The following KLF17 variants were observed in gnomAD, a reference collection of about 807,000 sequenced individuals.
The protein encoded by KLF17 is KLF transcription factor 17.
KLF17 carries 31 observed loss-of-function variants against 34.2 expected under a neutral mutation model. The ratio of observed to expected loss-of-function variants is 0.91; its 90% CI spans 0.68 to 1.22. KLF17 has a LOEUF of 1.22. Among genes scored for constraint, KLF17 ranks in the 50% most tolerant of loss-of-function variants. KLF17 has a pLI of 0.00. For synonymous variants in KLF17, 179 were observed against 186.7 expected (o/e 0.96, Z 0.34); for missense variants, 478 against 505.2 (o/e 0.95, Z 0.52).
At chr1:44,099,962 C>A in the KLF17 span, among the ~76,000 whole-genome samples, 3 of 148,048 alleles carry the variant, frequency 2.0e-5, no homozygotes, top group African/African-American at 7.5e-5. Context: ...CTGGGCTGGG[C>A]ACCGTTGCTC....
the KLF17 span, among the ~76,000 whole-genome samples, chr1:44,090,043 G>A: frequency 2.6e-5 from 4 of 151,166 alleles, no homozygotes; most frequent in Admixed American, 6.6e-5. Context: ...GAGCTGATGC[G>A]GGAGGATCCC....
Position 44,130,395 on chromosome 1 carries a change from C to G in KLF17, c.926-117C>G, listed in dbSNP as rs757872602. On this transcript the variant is annotated intron_variant, in intron 2 of 3. Coordinates refer to ENST00000372299, the MANE Select transcript of KLF17 (RefSeq NM_173484.4). ...GGGCACTCCTGATTGTGTTGCCCCT[C>G]CCTGGTTCCCTGGACCTTCCCTTTT... 1.3e-4 allele frequency: 183 copies of G among 1,440,280 alleles called. 1 individual carries two copies. Among genetic ancestry groups the G allele is most frequent in the Middle Eastern group, 7.9e-4 (4 of 5,078 alleles). 89.2% of individuals were successfully genotyped at this position (1,440,280 alleles called of 1,614,324 possible).
chr1:44,080,964 C>T, the KLF17 span, among the ~76,000 whole-genome samples: 1 of 151,858 alleles, frequency 6.6e-6, no homozygotes, highest in Non-Finnish European at 1.5e-5. Flanking sequence ...ATCCACCCAC[C>T]TTGGTCTGCC....
At chr1:44,111,038 A>G in the KLF17 span, among the ~76,000 whole-genome samples, 1 of 152,102 alleles carries the variant, frequency 6.6e-6, no homozygotes, top group Non-Finnish European at 1.5e-5. Flanking sequence ...CCAGGTTGGA[A>G]TGCAGTGGTG....
the KLF17 span, among the ~76,000 whole-genome samples, chr1:44,087,792 ACACACACACG>A: frequency 7.0e-6 from 1 of 143,078 alleles, no homozygotes; most frequent in African/African-American, 2.6e-5. Context: ...ACACACACAC[ACACACACACG>A]CATATATAAA....
chr1:44,123,083 G>A (rs2087967268), intron 1 of KLF17, among the ~76,000 whole-genome samples: 1 of 152,048 alleles, frequency 6.6e-6, no homozygotes, highest in African/African-American at 2.4e-5. Context: ...GATAAGAGCT[G>A]AGCTTTTGTC....
At chr1:44,109,881 A>G in the KLF17 span, among the ~76,000 whole-genome samples, 2 of 149,460 alleles carry the variant, frequency 1.3e-5, no homozygotes, top group South Asian at 4.2e-4. Flanking sequence ...AGCCATATAC[A>G]TATATCTTTT....
the KLF17 span, among the ~76,000 whole-genome samples, chr1:44,093,245 AC>A: frequency 7.5e-6 from 1 of 134,072 alleles, no homozygotes; most frequent in Non-Finnish European, 1.7e-5. Flanking sequence ...CAATAGAGTA[AC>A]AGGGGGAAAA....
At chr1:44,123,914 C>T (rs553423587) in intron 1 of KLF17, among the ~76,000 whole-genome samples, 2 of 150,780 alleles carry the variant, frequency 1.3e-5, no homozygotes, top group East Asian at 2.0e-4. Flanking sequence ...TTGTATGATA[C>T]CTTTTTTTTT....
At chr1:44,131,201 C>T (rs1343598883) in intron 3 of KLF17, among the ~76,000 whole-genome samples, 1 of 152,088 alleles carries the variant, frequency 6.6e-6, no homozygotes, top group Non-Finnish European at 1.5e-5. Flanking sequence ...GTGTTGAAGC[C>T]TACACGGAGC....
At chr1:44,067,905 G>T in the KLF17 span, among the ~76,000 whole-genome samples, 2 of 152,124 alleles carry the variant, frequency 1.3e-5, no homozygotes, top group African/African-American at 4.8e-5. Flanking sequence ...AACCGAGAGG[G>T]TCTGTGTTTC....
Position 44,129,735 on chromosome 1 carries a change from C to A in KLF17, c.464C>A (p.Pro155His), listed in dbSNP as rs777651690. The change falls in exon 2 of 4, where the codon CCC (proline) becomes CAC (histidine). Residue 155 changes from proline (P) to histidine (H), a missense_variant. Physicochemically the swap from Pro to His is moderately conservative, Grantham distance 77 (BLOSUM62 -2). Transcript: ENST00000372299. ...RPFGGNLRMP[P>H]NGLPVSASTG... ...TTCGGTGGGAATCTAAGGATGCCCC[C>A]CAATGGGCTGCCAGTCTCGGCTTCC... The A allele has an allele frequency of 1.2e-6, 2 of 1,614,008 alleles. No homozygotes were observed. The highest frequency in any genetic ancestry group is 1.7e-6 in the Non-Finnish European group (2 of 1,180,016).
chr1:44,055,428 A>G, the KLF17 span, among the ~76,000 whole-genome samples: 1 of 152,222 alleles, frequency 6.6e-6, no homozygotes, highest in African/African-American at 2.4e-5. Flanking sequence ...CTGGAAGACC[A>G]TACATTTTCC....
intron 1 of KLF17, among the ~76,000 whole-genome samples, chr1:44,127,519 CTCCCTCCCTCCT>C (rs201787486): frequency 0.011 from 1,643 of 150,512 alleles, 65 homozygotes; most frequent in East Asian, 0.07. Context: ...CCTTCCTTCC[CTCCCTCCCTCCT>C]TCCCTCCTTC....
chr1:44,058,666 CCTTTTTTTTTTTTTTTTT>C, the KLF17 span, among the ~76,000 whole-genome samples: 1 of 110,222 alleles, frequency 9.1e-6, no homozygotes, highest in Middle Eastern at 6.0e-3. Flanking sequence ...TATGGGAGGC[CCTTTTTTTTTTTTTTTTT>C]TTTTTTTTTT....
chr1:44,062,715 CA>C, the KLF17 span, among the ~76,000 whole-genome samples: 63,153 of 118,612 alleles, frequency 0.53, 14,163 homozygotes, highest in South Asian at 0.6. Flanking sequence ...GAACCTGTCT[CA>C]AAAAAAAAAA....
chr1:44,113,488 C>T, the KLF17 span, among the ~76,000 whole-genome samples: 28 of 152,204 alleles, frequency 1.8e-4, no homozygotes, highest in East Asian at 3.3e-3. Context: ...ATGGGTAACC[C>T]GGGGCAGTGC....
At chr1:44,121,397 G>A (rs1345109018) in intron 1 of KLF17, among the ~76,000 whole-genome samples, 2 of 152,220 alleles carry the variant, frequency 1.3e-5, no homozygotes, top group African/African-American at 2.4e-5. Context: ...TTACAGGCAT[G>A]AGCCGCCACG....
chr1:44,080,270 G>T, the KLF17 span, among the ~76,000 whole-genome samples: 1 of 109,392 alleles, frequency 9.1e-6, no homozygotes, highest in South Asian at 3.2e-4. Flanking sequence ...ACGGAGTCTT[G>T]CTCTGTCGTC....
Sources: allele counts gnomAD v4.1 joint callset (sites outside exome capture counted in the v4.1 genomes callset), GRCh38; gene constraint gnomAD v4.1.1; transcripts MANE v1.5; gene names NCBI Gene and HGNC (gene_info 2026-07-23, HGNC 2026-07-21).